IQSEC1: variants seen among roughly 807,000 people sequenced by gnomAD.
IQSEC1 encodes IQ motif and Sec7 domain ArfGEF 1.
Under a neutral mutation model 91.0 loss-of-function variants are expected in IQSEC1, and 31 were observed. The observed-to-expected ratio is 0.34, with a 90% CI of 0.26 to 0.46. IQSEC1 has a LOEUF of 0.46. Among genes scored for constraint, IQSEC1 ranks in the 20% least tolerant of loss-of-function variants. The pLI is 1.00. For missense variants in IQSEC1, 1,388 were observed against 1,575.6 expected (o/e 0.88, Z 2.02); for synonymous variants, 699 against 662.6 (o/e 1.05, Z -0.84).
rs1162789643 is a variant in IQSEC1 at position 12,935,678 on chromosome 3, C to T, written c.1338G>A (p.Lys446=). ...CACCGTCTGAGTAGTCCGACTCAGA[C>T]TTGCTCTGCCGGTTGGCTGAGCCAT... ...AINGSANRQS[K]SESDYSDGDN... is the part of the protein sequence containing the mutation. Residue 446 remains lysine (K), a synonymous_variant, in exon 3 of 14, where the codon AAG becomes AAA. Coordinates refer to ENST00000613206, the MANE Select transcript of IQSEC1 (RefSeq NM_001134382.3). The surrounding 1 kb of genome is among the most constrained non-coding windows in gnomAD (Gnocchi z 8.0). The T allele has an allele frequency of 1.2e-6, 2 of 1,613,860 alleles. No individual in the cohort carries two copies. Among genetic ancestry groups the T allele is most frequent in the East Asian group, 2.2e-5 (1 of 44,876 alleles).
chr3:13,058,925 G>A (rs544392705), intron 1 of IQSEC1, among the ~76,000 whole-genome samples: 10 of 152,252 alleles, frequency 6.6e-5, no homozygotes, highest in African/African-American at 2.2e-4. Context: ...GGCCAGCGGC[G>A]GACAGCGCTG....
At chr3:12,928,163 G>A (rs1432088606) in intron 3 of IQSEC1, among the ~76,000 whole-genome samples, 1 of 152,098 alleles carries the variant, frequency 6.6e-6, no homozygotes, top group East Asian at 1.9e-4. Context: ...AGAGGTGGGA[G>A]GGGGCCGGGT....
chr3:13,008,622 T>C lies in IQSEC1; in HGVS notation c.23+64370A>G, dbSNP rs1702738878. Among the ~76,000 whole-genome samples the C allele has an allele frequency of 6.6e-6, 1 of 152,174 alleles. No homozygotes were observed. The highest frequency in any genetic ancestry group is 2.1e-4 in the South Asian group (1 of 4,826). On this transcript the variant is annotated intron_variant, in intron 1 of 13. Coordinates refer to ENST00000613206, the MANE Select transcript of IQSEC1 (RefSeq NM_001134382.3). This position sits in a 1 kb window ranked among gnomAD's most constrained non-coding sequence, Gnocchi z 4.1. ...GATGTTGGAAATGCTCGTTTGTGTG[T>C]TTGTTTACTTGTCACCTCTCTGCCT...
chr3:13,000,340 A>G lies in IQSEC1; in HGVS notation c.24-58475T>C, dbSNP rs376882753. ...TCATGTCTCTTTGTATATTAGCTGA[A>G]GTCCAAACCCATCCTTTAAATCCAG... On this transcript the variant is annotated intron_variant, in intron 1 of 13. Coordinates refer to ENST00000613206, the MANE Select transcript of IQSEC1 (RefSeq NM_001134382.3). Among the ~76,000 whole-genome samples the G allele has an allele frequency of 1.1e-3, 172 of 152,340 alleles. 1 individual carries two copies. Among genetic ancestry groups the G allele is most frequent in the African/African-American group, 3.7e-3 (154 of 41,572 alleles).
chr3:13,029,074 G>A (rs1703741229), intron 1 of IQSEC1, among the ~76,000 whole-genome samples: 1 of 152,220 alleles, frequency 6.6e-6, no homozygotes, highest in Admixed American at 6.5e-5. Flanking sequence ...ACTGTACTGT[G>A]TAAAGCTATA....
chr3:12,994,260 G>C lies in IQSEC1; in HGVS notation c.24-52395C>G, dbSNP rs1171473214. ...CTCCCCGCGCGCCGCCCTCCTGCCC[G>C]CCCCACCGCCCGTGCGCCGTGACCT... On this transcript the variant is annotated intron_variant, in intron 1 of 13. Coordinates refer to ENST00000613206, the MANE Select transcript of IQSEC1 (RefSeq NM_001134382.3). This position sits in a 1 kb window ranked among gnomAD's most constrained non-coding sequence, Gnocchi z 4.5. Among the ~76,000 whole-genome samples, 1 of 150,198 alleles carries C rather than the reference G, an allele frequency of 6.7e-6. No homozygotes were observed. The highest frequency in any genetic ancestry group is 2.0e-4 in the East Asian group (1 of 5,110).
At chr3:13,266,413 G>T (rs1695490471) in intron 1 of IQSEC1, among the ~76,000 whole-genome samples, 1 of 152,134 alleles carries the variant, frequency 6.6e-6, no homozygotes, top group South Asian at 2.1e-4. Flanking sequence ...CCTCTTACAG[G>T]CTAAAAGTCA....
chr3:13,131,925 T>C (rs2124919047), intron 2 of IQSEC1, among the ~76,000 whole-genome samples: 1 of 152,354 alleles, frequency 6.6e-6, no homozygotes, highest in Non-Finnish European at 1.5e-5. Context: ...GATTTGGGCA[T>C]GGAATATAGT....
At position 12,967,312 on chromosome 3, in the gene IQSEC1, C is replaced by G; in HGVS notation, c.24-25447G>C. The G allele has an allele frequency of 7.6e-7, 1 of 1,324,254 alleles. No homozygotes were observed. The highest frequency in any genetic ancestry group is 1.0e-6 in the Non-Finnish European group (1 of 971,500). The allele number at this position is 1,324,254 out of a possible 1,614,324, so 82.0% of individuals were successfully genotyped here. A position where few individuals can be genotyped will look rare whatever the true frequency, so the allele number is the denominator to read the frequency against. On this transcript the variant is annotated intron_variant, in intron 1 of 13. Coordinates refer to ENST00000613206, the MANE Select transcript of IQSEC1 (RefSeq NM_001134382.3). This position sits in a 1 kb window ranked among gnomAD's most constrained non-coding sequence, Gnocchi z 5.9. ...CCCGACGGTCACCCGCACTCCCGCA[C>G]AGGCATCCCCACAGCCTGCGCCAGC...
intron 1 of IQSEC1, among the ~76,000 whole-genome samples, chr3:13,174,805 G>A (rs1693692931): frequency 6.6e-6 from 1 of 151,482 alleles, no homozygotes; most frequent in African/African-American, 2.4e-5. Context: ...GCATCACCTG[G>A]GCTGGAGCCC....
rs1445451807 is a variant in IQSEC1 at position 13,235,554 on chromosome 3, C to T, written c.272+47157G>A. On this transcript the variant is annotated intron_variant, in intron 1 of 15. Transcript: ENST00000648114. The stretch of plus-strand genomic sequence containing the variant: ...GGAGGGGGAAATTGCCCAGAGGTGC[C>T]CCTCTGAGACTGCTGGAGGTGGGTG... Among the ~76,000 whole-genome samples, 4 of 152,078 alleles carry T rather than the reference C, an allele frequency of 2.6e-5. No individual in the cohort carries two copies. In the East Asian group the frequency reaches 5.8e-4, roughly 22 times the overall value.
At chr3:13,245,215 C>T (rs1010282861) in intron 1 of IQSEC1, among the ~76,000 whole-genome samples, 9 of 152,122 alleles carry the variant, frequency 5.9e-5, no homozygotes, top group Non-Finnish European at 1.0e-4. Context: ...CATGAAGCCA[C>T]GAAGCCACGG....
chr3:12,959,288 C>T (rs747469248), intron 1 of IQSEC1, among the ~76,000 whole-genome samples: 3 of 152,168 alleles, frequency 2.0e-5, no homozygotes, highest in African/African-American at 7.2e-5. Context: ...CCTGGCTACA[C>T]GTCCTGGCAA....
At chr3:13,053,996 C>T (rs770635456) in intron 1 of IQSEC1, among the ~76,000 whole-genome samples, 1 of 151,732 alleles carries the variant, frequency 6.6e-6, no homozygotes, top group Non-Finnish European at 1.5e-5. Context: ...CAAAAATACG[C>T]TCCACTCTGC....
chr3:13,062,062 A>G (rs1705085097), intron 1 of IQSEC1, among the ~76,000 whole-genome samples: 1 of 152,212 alleles, frequency 6.6e-6, no homozygotes, highest in Non-Finnish European at 1.5e-5. Context: ...CCACAGGAGC[A>G]TTGGAGCCCC....
intron 1 of IQSEC1, among the ~76,000 whole-genome samples, chr3:13,196,125 T>A (rs1694120776): frequency 6.6e-6 from 1 of 152,184 alleles, no homozygotes; most frequent in African/African-American, 2.4e-5. Flanking sequence ...CTGGGGACAC[T>A]CACGCTTTGA....
rs1045095390 is a variant in IQSEC1, at chr3:13,073,292, C to T, written c.-278G>A. Among the ~76,000 whole-genome samples the T allele has an allele frequency of 3.3e-5, 5 of 152,206 alleles. No homozygotes were observed. Among genetic ancestry groups the T allele is most frequent in the African/African-American group, 2.4e-5 (1 of 41,456 alleles). ...ACGTCGAGTAACCGTGGTCGCCAGGCTGGGCGGGGGCGTCCACCTCGCTGC... is the reference window on the plus strand; with the variant it reads ...ACGTCGAGTAACCGTGGTCGCCAGGTTGGGCGGGGGCGTCCACCTCGCTGC... On this transcript the variant is annotated 5_prime_UTR_variant, in exon 1 of 14. Coordinates refer to ENST00000613206, the MANE Select transcript of IQSEC1 (RefSeq NM_001134382.3).
At chr3:13,114,068 G>GCA (rs914914146) in intron 2 of IQSEC1, among the ~76,000 whole-genome samples, 25 of 152,250 alleles carry the variant, frequency 1.6e-4, no homozygotes, top group African/African-American at 4.8e-4. Flanking sequence ...TGATGCAAAT[G>GCA]CACAGAAGAT....
intron 1 of IQSEC1, among the ~76,000 whole-genome samples, chr3:12,986,216 G>A (rs1701726540): frequency 1.3e-5 from 2 of 152,190 alleles, no homozygotes; most frequent in South Asian, 4.1e-4. Flanking sequence ...TCACAGGCTG[G>A]GCTGGGAGCT....
Sources: gnomAD v4.1 joint callset for allele counts (sites outside exome capture counted in the v4.1 genomes callset) on GRCh38, gnomAD v4.1.1 for gene constraint, Gnocchi (gnomAD v3.1) non-coding constraint, MANE v1.5 for transcripts, NCBI Gene and HGNC (gene_info 2026-07-23, HGNC 2026-07-21) for gene names.